The following IGFL4 variants were observed in gnomAD, a reference collection of about 807,000 sequenced individuals.
IGFL4 encodes the protein insulin growth factor-like family member 4.
In IGFL4, 12 loss-of-function variants were observed where a neutral mutation model predicts 15.4. The observed-to-expected ratio is 0.78, with a 90% confidence interval of 0.50 to 1.26. The LOEUF (loss-of-function observed/expected upper bound fraction) is 1.26. Among genes scored for constraint, IGFL4 ranks in the 50% most tolerant of loss-of-function variants. The pLI is 0.00. For synonymous variants in IGFL4, 54 were observed against 55.9 expected (o/e 0.97, Z 0.16); for missense variants, 126 against 147.8 (o/e 0.85, Z 0.76).
rs1293931373 is a variant in IGFL4 at position 46,040,465 on chromosome 19, C to G, written c.71-49G>C. ...GCTGCAAGGACCAGCCTAGGACCAC[C>G]TCCCCACCAACCTTAATGCTGTTCT... On this transcript the variant is annotated intron_variant, in intron 2 of 3. Transcript: ENST00000377697. This position sits in a 1 kb window ranked among gnomAD's most constrained non-coding sequence, Gnocchi z 4.1. 1.9e-6 allele frequency: 3 copies of G among 1,613,746 alleles called. No homozygotes were observed. The highest frequency in any genetic ancestry group is 1.3e-5 in the African/African-American group (1 of 74,916).
rs1315901421 is a variant in IGFL4, at chr19:46,040,703, G to A, written c.20-135C>T. On this transcript the variant is annotated intron_variant, in intron 1 of 3. Coordinates refer to ENST00000377697, the MANE Select transcript of IGFL4 (RefSeq NM_001002923.3). The surrounding 1 kb of genome is among the most constrained non-coding windows in gnomAD (Gnocchi z 4.1). Reference sequence around the variant, plus strand: ...GATTTTGGGACTGGCTGTGGGTGCAGGTCCTGGGGACTGGGCTTGGCAGGT... The same window carrying A: ...GATTTTGGGACTGGCTGTGGGTGCAAGTCCTGGGGACTGGGCTTGGCAGGT... 6 of 1,081,578 alleles carry A rather than the reference G, an allele frequency of 5.5e-6. No homozygotes were observed. The Admixed American group carries it at 1.2e-4, about 22-fold the overall frequency. The allele number at this position is 1,081,578 out of a possible 1,614,324, so 67.0% of individuals were successfully genotyped here. A position where few individuals can be genotyped will look rare whatever the true frequency, so the allele number is the denominator to read the frequency against.
intron 2 of IGFL4, among the ~76,000 whole-genome samples, chr19:46,051,593 G>C (rs945232668): frequency 6.6e-6 from 1 of 152,022 alleles, no homozygotes; most frequent in Non-Finnish European, 1.5e-5. Flanking sequence ...AACACATGAT[G>C]AACATGTAGT....
At chr19:46,070,003 T>C (rs1969530350) in intron 1 of IGFL4, among the ~76,000 whole-genome samples, 1 of 152,220 alleles carries the variant, frequency 6.6e-6, no homozygotes, top group African/African-American at 2.4e-5. Context: ...ATTCCTGTTA[T>C]CAGGAAGGTT....
intron 1 of IGFL4, among the ~76,000 whole-genome samples, chr19:46,070,270 G>A (rs556164122): frequency 6.6e-6 from 1 of 151,904 alleles, no homozygotes; most frequent in Non-Finnish European, 1.5e-5. Flanking sequence ...GGCTGCTTTT[G>A]TTACTATACA....
upstream of IGFL4, among the ~76,000 whole-genome samples, chr19:46,042,122 C>A (rs369383248): frequency 0.67 from 101,360 of 151,442 alleles, 34,498 homozygotes; most frequent in East Asian, 0.86. Context: ...TGTTGTTGTG[C>A]TTATTTGCAC....
At chr19:46,045,398 G>A (rs8112029), upstream of IGFL4, among the ~76,000 whole-genome samples, 72,391 of 149,022 alleles carry the variant, frequency 0.49, 18,201 homozygotes, top group Non-Finnish European at 0.55. Flanking sequence ...AGCTGAGATC[G>A]CGCCACTGCA....
At chr19:46,050,423 C>G (rs899917093) in intron 2 of IGFL4, among the ~76,000 whole-genome samples, 1 of 152,040 alleles carries the variant, frequency 6.6e-6, no homozygotes, top group South Asian at 2.1e-4. Flanking sequence ...AAAAAAGATA[C>G]AGGATATGAA....
At chr19:46,044,003 GA>G (rs772506839), upstream of IGFL4, among the ~76,000 whole-genome samples, 18 of 152,146 alleles carry the variant, frequency 1.2e-4, no homozygotes, top group Non-Finnish European at 2.6e-4. Context: ...ATCTTCAACT[GA>G]AATATACAGG....
chr19:46,052,948 T>C (rs1969360226), intron 2 of IGFL4, among the ~76,000 whole-genome samples: 3 of 128,296 alleles, frequency 2.3e-5, no homozygotes, highest in South Asian at 5.1e-4. Context: ...TTGAAAAGCT[T>C]TGGGAGAAGT....
In IGFL4 at chr19:46,040,013, T is replaced by C; in HGVS notation, c.331-77A>G. The C allele has an allele frequency of 1.3e-6, 2 of 1,509,442 alleles. No homozygotes were observed. The allele number at this position is 1,509,442 out of a possible 1,614,324, so 93.5% of individuals were successfully genotyped here. ...CAGTGGCGGGGAAGGAACAGAGACA[T>C]GGAGAAAGACAGAGTTGCATGGTTA... On this transcript the variant is annotated intron_variant, in intron 3 of 3. Transcript: ENST00000377697. This position sits in a 1 kb window ranked among gnomAD's most constrained non-coding sequence, Gnocchi z 4.1.
Position 46,040,694 on chromosome 19 carries a change from G to C in IGFL4, c.20-126C>G. 1.8e-6 allele frequency: 2 copies of C among 1,122,492 alleles called. No individual in the cohort carries two copies. The highest frequency in any genetic ancestry group is 2.6e-6 in the Non-Finnish European group (2 of 755,214). The allele number at this position is 1,122,492 out of a possible 1,614,324, so 69.5% of individuals were successfully genotyped here. On this transcript the variant is annotated intron_variant, in intron 1 of 3. Coordinates refer to ENST00000377697, the MANE Select transcript of IGFL4 (RefSeq NM_001002923.3). This position sits in a 1 kb window ranked among gnomAD's most constrained non-coding sequence, Gnocchi z 4.1. ...CTCAGAGTGGATTTTGGGACTGGCT[G>C]TGGGTGCAGGTCCTGGGGACTGGGC...
intron 1 of IGFL4, among the ~76,000 whole-genome samples, chr19:46,067,717 G>T (rs1293012390): frequency 1.3e-5 from 2 of 152,074 alleles, no homozygotes; most frequent in African/African-American, 2.4e-5. Context: ...TGCAGGATGG[G>T]GCTCTGACAG....
In IGFL4 at chr19:46,040,866, T is replaced by C. The variant is rs990456933; in HGVS notation, c.19+78A>G. The C allele has an allele frequency of 1.5e-6, 2 of 1,337,240 alleles. No homozygotes were observed. Among genetic ancestry groups the C allele is most frequent in the Non-Finnish European group, 1.1e-6 (1 of 951,046 alleles). The allele number at this position is 1,337,240 out of a possible 1,614,324, so 82.8% of individuals were successfully genotyped here. A position where few individuals can be genotyped will look rare whatever the true frequency, so the allele number is the denominator to read the frequency against. ...CAATAATTAAATAGGGAAGAGAGAA[T>C]TAACTTTGAAGTTCAGAAATAATTA... On this transcript the variant is annotated intron_variant, in intron 1 of 3. Coordinates refer to ENST00000377697, the MANE Select transcript of IGFL4 (RefSeq NM_001002923.3). The surrounding 1 kb of genome is among the most constrained non-coding windows in gnomAD (Gnocchi z 4.1).
At chr19:46,075,507 T>C (rs1969587146) in intron 1 of IGFL4, among the ~76,000 whole-genome samples, 1 of 152,198 alleles carries the variant, frequency 6.6e-6, no homozygotes, top group African/African-American at 2.4e-5. Flanking sequence ...AGAATATCCC[T>C]ACTGGAATTT....
At chr19:46,050,259 C>T (rs897808203) in intron 2 of IGFL4, among the ~76,000 whole-genome samples, 3 of 152,074 alleles carry the variant, frequency 2.0e-5, no homozygotes, top group African/African-American at 7.2e-5. Context: ...TAAAACAAAC[C>T]TCTTTAACAC....
chr19:46,042,939 G>C (rs1022111568), upstream of IGFL4, among the ~76,000 whole-genome samples: 1 of 152,200 alleles, frequency 6.6e-6, no homozygotes, highest in African/African-American at 2.4e-5. Flanking sequence ...GTTCTGGGAA[G>C]ACCAGAGAGT....
chr19:46,069,673 C>A (rs1310490895), intron 1 of IGFL4, among the ~76,000 whole-genome samples: 3 of 152,122 alleles, frequency 2.0e-5, no homozygotes, highest in African/African-American at 4.8e-5. Context: ...TAATTTATTT[C>A]ATTTGTCTTC....
upstream of IGFL4, chr19:46,041,051 C>T (rs769058483): frequency 3.2e-6 from 4 of 1,247,360 alleles, no homozygotes; most frequent in Admixed American, 3.0e-5. Context: ...TATGAACTTA[C>T]CGCCATTTAG....
intron 1 of IGFL4, among the ~76,000 whole-genome samples, chr19:46,068,742 T>C (rs1044332396): frequency 2.0e-5 from 3 of 152,136 alleles, no homozygotes; most frequent in Non-Finnish European, 2.9e-5. Context: ...ATTAAATGCA[T>C]TGGGAGCTCA....
Sources: allele counts gnomAD v4.1 joint callset (sites outside exome capture counted in the v4.1 genomes callset), GRCh38; gene constraint gnomAD v4.1.1; non-coding constraint Gnocchi (gnomAD v3.1); transcripts MANE v1.5; gene names NCBI Gene and HGNC (gene_info 2026-07-23, HGNC 2026-07-21).